Variants in TSC22D3 observed in about 807,000 individuals in gnomAD.
The protein encoded by TSC22D3 is TSC22 domain family protein 3.
A neutral mutation model predicts 11.1 loss-of-function variants in TSC22D3; 4 were observed. The observed-to-expected ratio is 0.36, with a 90% CI of 0.18 to 0.83. The LOEUF (loss-of-function observed/expected upper bound fraction) is 0.83, where lower values mean the gene tolerates loss of function less well. Ranked by LOEUF, TSC22D3 falls within the 40% of genes least tolerant of loss-of-function variation. TSC22D3 has a pLI of 0.48. For missense variants in TSC22D3, 118 were observed against 159.4 expected (o/e 0.74, Z 1.40); for synonymous variants, 77 against 70.3 (o/e 1.10, Z -0.48).
chrX:107,744,430 G>A (rs1023220707), intron 1 of TSC22D3, among the ~76,000 whole-genome samples: 115 of 110,592 alleles, frequency 1.0e-3, no homozygotes, highest in Non-Finnish European at 7.2e-4. Flanking sequence ...GCAGTGAGCC[G>A]AGACCATGCC....
intron 1 of TSC22D3, among the ~76,000 whole-genome samples, chrX:107,734,482 G>C (rs2147745190): frequency 8.9e-6 from 1 of 112,259 alleles, no homozygotes; most frequent in Non-Finnish European, 1.9e-5. Context: ...ACTGGTGACA[G>C]GGTGGCAACG....
At position 107,714,613 on chromosome X, in the gene TSC22D3, T is replaced by C; in HGVS notation, c.509A>G (p.Glu170Gly). 1 of 1,211,627 alleles carries C rather than the reference T, an allele frequency of 8.3e-7. No homozygotes were observed. Residue 170 changes from glutamate (E) to glycine (G), a missense_variant, in exon 3 of 3, where the codon GAG becomes GGG. Physicochemically the swap from Glu to Gly is moderately conservative, Grantham distance 98. Transcript: ENST00000372383. ...ACAGGACTGGAACTTCTCCAGCTGC[T>C]CTGGGCTTGCCAGGGTCTTCAACAG... Reference protein sequence around the residue: ...NTLLKTLASPEQLEKFQSCLS... With the variant: ...NTLLKTLASPGQLEKFQSCLS...
At chrX:107,757,430 C>T (rs1274558551) in intron 1 of TSC22D3, among the ~76,000 whole-genome samples, 2 of 112,222 alleles carry the variant, frequency 1.8e-5, no homozygotes, top group Non-Finnish European at 3.8e-5. Flanking sequence ...GAACATCCAT[C>T]ACCCACTTGG....
chrX:107,738,202 C>T (rs933665582), intron 1 of TSC22D3, among the ~76,000 whole-genome samples: 1 of 112,581 alleles, frequency 8.9e-6, no homozygotes, highest in Admixed American at 9.3e-5. Flanking sequence ...TCTGATATGT[C>T]CCCTGGGCAC....
chrX:107,715,151 A>G (rs1208831083), intron 2 of TSC22D3, among the ~76,000 whole-genome samples: 4 of 111,854 alleles, frequency 3.6e-5, no homozygotes, highest in Non-Finnish European at 1.9e-5. Context: ...TAGACCTGCA[A>G]TGCATCCCAT....
At chrX:107,721,356 G>A (rs970317688) in intron 1 of TSC22D3, among the ~76,000 whole-genome samples, 2 of 111,757 alleles carry the variant, frequency 1.8e-5, no homozygotes, top group African/African-American at 3.3e-5. Context: ...CCCTTCCTAC[G>A]TCAGGTTCCC....
intron 1 of TSC22D3, 116 bp from the exon 2 acceptor site, chrX:107,716,066 GCCTCCCT>G (rs1182566862): frequency 7.8e-5 from 65 of 838,124 alleles, no homozygotes; most frequent in Middle Eastern, 8.5e-4. Flanking sequence ...TCTCCTTCTC[GCCTCCCT>G]GGCCCAGAGT....
At chrX:107,746,057 G>A (rs1928636534) in intron 1 of TSC22D3, among the ~76,000 whole-genome samples, 1 of 112,164 alleles carries the variant, frequency 8.9e-6, no homozygotes, top group African/African-American at 3.2e-5. Context: ...GTGACCCACA[G>A]GATTCCCATT....
At chrX:107,765,511 C>T (rs1929618502) in intron 1 of TSC22D3, among the ~76,000 whole-genome samples, 1 of 111,944 alleles carries the variant, frequency 8.9e-6, no homozygotes, top group South Asian at 3.8e-4. Flanking sequence ...TCAGTCGGTA[C>T]TCAATACATA....
rs147720813 is a variant in TSC22D3, at chrX:107,734,758, C to T, written c.321-18808G>A. Among the ~76,000 whole-genome samples, 1,040 of 108,936 alleles carry T rather than the reference C, an allele frequency of 9.5e-3. 16 individuals carry two copies. The highest frequency in any genetic ancestry group is 0.034 in the African/African-American group (993 of 29,604). 94.6% of individuals were successfully genotyped at this position (108,936 alleles called of 115,157 possible). ...CATAAATTGTCACATTTTTTTTTACCAGTAATGGTAAGAGTAATAACAATA... is the reference window on the plus strand; with the variant it reads ...CATAAATTGTCACATTTTTTTTTACTAGTAATGGTAAGAGTAATAACAATA... On this transcript the variant is annotated intron_variant, in intron 1 of 2. Coordinates refer to ENST00000372383, the MANE Select transcript of TSC22D3 (RefSeq NM_198057.3).
At chrX:107,731,724 T>A (rs1011900058) in intron 1 of TSC22D3, among the ~76,000 whole-genome samples, 2 of 111,038 alleles carry the variant, frequency 1.8e-5, no homozygotes, top group African/African-American at 6.6e-5. Flanking sequence ...CTGGGTGAGG[T>A]CTTCAGGCCC....
chrX:107,728,311 A>G (rs1342971082), intron 1 of TSC22D3, among the ~76,000 whole-genome samples: 8 of 112,881 alleles, frequency 7.1e-5, no homozygotes, highest in Non-Finnish European at 1.5e-4. Flanking sequence ...ACAAACACAA[A>G]AGACCTGTGA....
intron 2 of TSC22D3, among the ~76,000 whole-genome samples, 178 bp from the exon 3 acceptor site, chrX:107,714,927 A>T (rs1230986912): frequency 1.8e-5 from 2 of 111,254 alleles, no homozygotes; most frequent in African/African-American, 6.6e-5. Context: ...AAGCACTTAA[A>T]CCCTCATTCA....
Position 107,775,706 on chromosome X carries a change from G to GC in TSC22D3, c.-288dup, listed in dbSNP as rs1176169578. Reference sequence around the variant, plus strand: ...CCCCCTCCTCTTGAGGCCGGGGGCCGCCCCCCTGAGGTGCCACACGCGGCC... The same window carrying GC: ...CCCCCTCCTCTTGAGGCCGGGGGCCGCCCCCCCTGAGGTGCCACACGCGGCC... On this transcript the variant is annotated 5_prime_UTR_variant, in exon 1 of 3. Transcript: ENST00000372383. The GC allele has an allele frequency of 1.4e-5, 3 of 215,574 alleles. No homozygotes were observed. Among genetic ancestry groups the GC allele is most frequent in the East Asian group, 2.0e-4 (2 of 9,904 alleles). The allele number at this position is 215,574 out of a possible 1,213,427, so 17.8% of individuals were successfully genotyped here.
intron 2 of TSC22D3, 78 bp from the exon 3 acceptor site, chrX:107,714,827 T>A: frequency 1.0e-6 from 1 of 995,173 alleles, no homozygotes; most frequent in Non-Finnish European, 1.4e-6. Flanking sequence ...CTGTCATTGG[T>A]GTGCCTGTGC....
chrX:107,762,218 C>CA (rs939706176), intron 1 of TSC22D3, among the ~76,000 whole-genome samples: 4 of 111,626 alleles, frequency 3.6e-5, no homozygotes, highest in Non-Finnish European at 3.8e-5. Context: ...GGCCTTACTC[C>CA]AATGCCCCCT....
intron 1 of TSC22D3, among the ~76,000 whole-genome samples, chrX:107,759,976 G>A (rs1005154970): frequency 2.7e-5 from 3 of 112,476 alleles, no homozygotes; most frequent in Non-Finnish European, 5.6e-5. Context: ...GAGCTCCTGG[G>A]GCAAGTGCTG....
At chrX:107,717,049 T>C (rs1255282904) in intron 1 of TSC22D3, 3 of 977,621 alleles carry the variant, frequency 3.1e-6, no homozygotes, top group Non-Finnish European at 3.8e-6. Flanking sequence ...CGGCCGCCAG[T>C]CCAACCCAGA....
Position 107,740,475 on chromosome X carries a change from G to T in TSC22D3, c.321-24525C>A, listed in dbSNP as rs373546937. On this transcript the variant is annotated intron_variant, in intron 1 of 2. Coordinates refer to ENST00000372383, the MANE Select transcript of TSC22D3 (RefSeq NM_198057.3). ...CACACGCCTGTAGTCCCATCTGCTC[G>T]GGAGGCTGAGGCAGGAGAATCGCTT... 3.6e-4 allele frequency among the ~76,000 whole-genome samples: 40 copies of T among 111,740 alleles called. No homozygotes were observed. In the East Asian group the frequency reaches 0.01, roughly 28 times the overall value.
Sources: gnomAD v4.1 joint callset for allele counts (sites outside exome capture counted in the v4.1 genomes callset) on GRCh38, gnomAD v4.1.1 for gene constraint, MANE v1.5 for transcripts, NCBI Gene and HGNC (gene_info 2026-07-23, HGNC 2026-07-21) for gene names.